Variants in KLF7 observed in about 807,000 individuals in gnomAD.
KLF7 encodes Krueppel-like factor 7.
In KLF7, 2 loss-of-function variants were observed where a neutral mutation model predicts 27.3. The observed-to-expected ratio is 0.07, with a 90% confidence interval of 0.03 to 0.23. KLF7 has a LOEUF of 0.23. Ranked by LOEUF, KLF7 falls within the 10% of genes least tolerant of loss-of-function variation. The pLI, the probability that KLF7 is intolerant of heterozygous loss-of-function variation, is 1.00. For missense variants in KLF7, 221 were observed against 394.1 expected, an observed-to-expected ratio of 0.56 and a Z score of 3.72; for synonymous variants, 165 against 162.4, an observed-to-expected ratio of 1.02 and a Z score of -0.12.
intron 1 of KLF7, among the ~76,000 whole-genome samples, chr2:207,152,956 T>G (rs143303965): frequency 6.6e-6 from 1 of 152,058 alleles, no homozygotes; most frequent in Non-Finnish European, 1.5e-5. Context: ...TTAAAGGGAA[T>G]TGAAATATGC....
At chr2:207,141,931 G>C (rs978736909) in intron 1 of KLF7, among the ~76,000 whole-genome samples, 2 of 152,022 alleles carry the variant, frequency 1.3e-5, no homozygotes, top group African/African-American at 4.8e-5. Flanking sequence ...AGGAAATAAT[G>C]ATGAGCTGCA....
intron 1 of KLF7, among the ~76,000 whole-genome samples, chr2:207,156,028 C>T (rs1312338065): frequency 6.6e-6 from 1 of 152,196 alleles, no homozygotes; most frequent in Admixed American, 6.5e-5. Context: ...AGGGCAATTG[C>T]TCCACGGCTA....
At chr2:207,131,835 T>TA (rs1370901100) in intron 1 of KLF7, among the ~76,000 whole-genome samples, 2 of 152,188 alleles carry the variant, frequency 1.3e-5, no homozygotes, top group Non-Finnish European at 2.9e-5. Context: ...GAAAAAGATG[T>TA]ACTATGCTTA....
chr2:207,089,499 AC>A (rs1386094811), intron 2 of KLF7, among the ~76,000 whole-genome samples: 4 of 152,136 alleles, frequency 2.6e-5, no homozygotes, highest in Non-Finnish European at 5.9e-5. Flanking sequence ...ACAAATATTT[AC>A]CCTTCCAACT....
intron 1 of KLF7, among the ~76,000 whole-genome samples, chr2:207,136,321 C>T (rs1458920452): frequency 6.6e-6 from 1 of 152,164 alleles, no homozygotes; most frequent in East Asian, 1.9e-4. Context: ...CTCTTTTCTA[C>T]TCCTCTGCTT....
chr2:207,085,986 CAAA>C (rs1162167373), intron 3 of KLF7, among the ~76,000 whole-genome samples: 1 of 109,998 alleles, frequency 9.1e-6, no homozygotes, highest in Non-Finnish European at 1.9e-5. Context: ...AAATGTTGGC[CAAA>C]AAAAAAAAAA....
At chr2:207,129,700 T>C (rs2077573181) in intron 1 of KLF7, among the ~76,000 whole-genome samples, 1 of 151,968 alleles carries the variant, frequency 6.6e-6, no homozygotes, top group Non-Finnish European at 1.5e-5. Flanking sequence ...GCCTACTACA[T>C]CTATGATAAT....
chr2:207,165,438 G>A (rs2078679851), intron 1 of KLF7, 29 bp downstream of exon 1: 1 of 1,613,888 alleles, frequency 6.2e-7, no homozygotes, highest in South Asian at 1.1e-5. Context: ...GCCACCACAC[G>A]ATTTACACAA....
Position 207,114,046 on chromosome 2 carries a change from T to C in KLF7, c.733+9728A>G, listed in dbSNP as rs573009076. Among the ~76,000 whole-genome samples, 96 of 152,356 alleles carry C rather than the reference T, an allele frequency of 6.3e-4. 1 individual carries two copies. The highest frequency in any genetic ancestry group is 1.9e-3 in the Admixed American group (29 of 15,306). ...TTTTTAAGTAGCCTATGATACCTTT[T>C]CTAAACGCTAATATTTACGTGCAAG... is the stretch of plus-strand genomic sequence containing the variant. On this transcript the variant is annotated intron_variant, in intron 2 of 3. Transcript: ENST00000309446.
At chr2:207,121,168 C>T (rs1322849163) in intron 2 of KLF7, among the ~76,000 whole-genome samples, 26 of 152,200 alleles carry the variant, frequency 1.7e-4, no homozygotes, top group Admixed American at 1.7e-3. Context: ...CTAATGCTTG[C>T]ATGTCTGGTT....
intron 1 of KLF7, among the ~76,000 whole-genome samples, chr2:207,138,639 G>C (rs1185423700): frequency 6.6e-6 from 1 of 152,094 alleles, no homozygotes; most frequent in Non-Finnish European, 1.5e-5. Context: ...TCCAAATTAA[G>C]AATTCTTTTT....
chr2:207,152,507 A>G (rs2078274343), intron 1 of KLF7, among the ~76,000 whole-genome samples: 1 of 152,226 alleles, frequency 6.6e-6, no homozygotes, highest in African/African-American at 2.4e-5. Flanking sequence ...AAAATGTTAC[A>G]AATACCAATA....
intron 2 of KLF7, among the ~76,000 whole-genome samples, chr2:207,095,031 C>CTTTTTT (rs36091471): frequency 3.5e-4 from 29 of 82,432 alleles, no homozygotes; most frequent in East Asian, 1.2e-3. Context: ...TGTTTTTATT[C>CTTTTTT]TTTTTTTTTT....
chr2:207,145,980 T>A (rs1023830528), intron 1 of KLF7, among the ~76,000 whole-genome samples: 1 of 152,208 alleles, frequency 6.6e-6, no homozygotes, highest in Non-Finnish European at 1.5e-5. Context: ...ATTCTCTACT[T>A]CCTTCTCAAG....
At chr2:207,144,036 G>A (rs1490022835) in intron 1 of KLF7, among the ~76,000 whole-genome samples, 5 of 151,442 alleles carry the variant, frequency 3.3e-5, no homozygotes, top group African/African-American at 7.3e-5. Flanking sequence ...TGGCTCCAGG[G>A]GAAAGCATGC....
upstream of KLF7, chr2:207,166,038 C>T (rs2078698924): frequency 2.4e-6 from 1 of 408,464 alleles, no homozygotes; most frequent in Admixed American, 8.9e-5. Flanking sequence ...CCCTTCCCTC[C>T]CCACCCCCCA....
chr2:207,098,838 T>C (rs1270378401), intron 2 of KLF7, among the ~76,000 whole-genome samples: 3 of 142,874 alleles, frequency 2.1e-5, no homozygotes, highest in Admixed American at 7.4e-5. Context: ...CAGGCCGGTC[T>C]TGAACTCCTG....
At chr2:207,101,004 C>A (rs968966610) in intron 2 of KLF7, among the ~76,000 whole-genome samples, 3 of 152,320 alleles carry the variant, frequency 2.0e-5, no homozygotes, top group Middle Eastern at 3.4e-3. Flanking sequence ...CTAACTGAGA[C>A]ATCAGACCAT....
At chr2:207,109,145 C>T (rs542187450) in intron 2 of KLF7, among the ~76,000 whole-genome samples, 3 of 152,342 alleles carry the variant, frequency 2.0e-5, no homozygotes, top group African/African-American at 7.2e-5. Flanking sequence ...AGAATCAATA[C>T]CTTGCGTTTG....
Sources: allele counts gnomAD v4.1 joint callset (sites outside exome capture counted in the v4.1 genomes callset), GRCh38; gene constraint gnomAD v4.1.1; transcripts MANE v1.5; gene names NCBI Gene and HGNC (gene_info 2026-07-23, HGNC 2026-07-21).